Variants in RNF41 observed in about 807,000 individuals in gnomAD.
The protein encoded by RNF41 is E3 ubiquitin-protein ligase NRDP1.
RNF41 carries 4 observed loss-of-function variants against 33.0 expected under a neutral mutation model. The observed-to-expected ratio is 0.12, with a 90% confidence interval of 0.06 to 0.28. The LOEUF is 0.28. Among genes scored for constraint, RNF41 ranks in the 10% least tolerant of loss-of-function variants. The pLI is 1.00. For missense variants in RNF41, 228 were observed against 432.6 expected (o/e 0.53, Z 4.19); for synonymous variants, 164 against 153.2 (o/e 1.07, Z -0.52).
chr12:56,220,172 G>A (rs1487014009), intron 1 of RNF41, among the ~76,000 whole-genome samples: 1 of 151,978 alleles, frequency 6.6e-6, no homozygotes, highest in Admixed American at 6.6e-5. Context: ...TTGGGAAGCC[G>A]AGATGGACCA....
chr12:56,210,401 A>G lies in RNF41; in HGVS notation c.258T>C (p.Ala86=), dbSNP rs754458751. The G allele has an allele frequency of 6.2e-7, 1 of 1,614,206 alleles. No homozygotes were observed. Residue 86 remains alanine (A), a synonymous_variant, in exon 4 of 7, where the codon GCT becomes GCC. Coordinates refer to ENST00000345093, the MANE Select transcript of RNF41 (RefSeq NM_005785.4). Reference sequence around the variant, plus strand: ...GGACAACGGCACTACAGCCGAACACAGCGTTGTCACAGGCAATCTGCAGCT... The same window carrying G: ...GGACAACGGCACTACAGCCGAACACGGCGTTGTCACAGGCAATCTGCAGCT... ...LSKLQIACDN[A]VFGCSAVVRL...
In RNF41 at chr12:56,214,024, G is replaced by A. The variant is rs1327445339; in HGVS notation, c.24C>T (p.Phe8=). The A allele has an allele frequency of 6.2e-7, 1 of 1,613,834 alleles. No individual in the cohort carries two copies. Among genetic ancestry groups the A allele is most frequent in the Middle Eastern group, 1.7e-4 (1 of 6,060 alleles). ...TAAGATCTTCGTCAACATCCCCCTGGAAACGGGTTACATCATACCCCATGT... is the reference window on the plus strand; with the variant it reads ...TAAGATCTTCGTCAACATCCCCCTGAAAACGGGTTACATCATACCCCATGT... MGYDVTR[F]QGDVDEDLIC... The change falls in exon 3 of 7, where the codon TTC becomes TTT. Residue 8 remains phenylalanine (F), a synonymous_variant. Coordinates refer to ENST00000345093, the MANE Select transcript of RNF41 (RefSeq NM_005785.4).
chr12:56,207,013 ACTCTGT>A (rs1868278064), intron 6 of RNF41, among the ~76,000 whole-genome samples: 1 of 152,126 alleles, frequency 6.6e-6, no homozygotes, highest in South Asian at 2.1e-4. Flanking sequence ...ACAAGTCTGC[ACTCTGT>A]CTCTGTTACT....
chr12:56,217,065 A>G (rs1346279911), intron 1 of RNF41, among the ~76,000 whole-genome samples: 2 of 150,958 alleles, frequency 1.3e-5, no homozygotes, highest in South Asian at 2.1e-4. Context: ...GCGTGAACCT[A>G]GGAGCTGCAG....
chr12:56,220,186 A>G (rs1869258306), intron 1 of RNF41, among the ~76,000 whole-genome samples: 1 of 151,704 alleles, frequency 6.6e-6, no homozygotes, highest in Non-Finnish European at 1.5e-5. Context: ...TGGACCAATC[A>G]CCTGAGGTCA....
At chr12:56,209,994 C>A (rs1475903092) in intron 4 of RNF41, 1 of 375,642 alleles carries the variant, frequency 2.7e-6, no homozygotes, top group Non-Finnish European at 4.9e-6. Flanking sequence ...TTATAGCAGT[C>A]AACCTGACAA....
intron 1 of RNF41, among the ~76,000 whole-genome samples, chr12:56,217,721 T>C (rs1237932995): frequency 1.3e-5 from 2 of 152,118 alleles, no homozygotes; most frequent in East Asian, 1.9e-4. Context: ...CTGTGCTCCA[T>C]GTCCTGTCAG....
intron 1 of RNF41, among the ~76,000 whole-genome samples, chr12:56,219,278 G>A (rs535587200): frequency 6.7e-6 from 1 of 150,034 alleles, no homozygotes; most frequent in Non-Finnish European, 1.5e-5. Flanking sequence ...TACAAGTTCC[G>A]CCTCCCAGGT....
intron 1 of RNF41, among the ~76,000 whole-genome samples, 169 bp from the exon 2 acceptor site, chr12:56,216,782 C>T (rs144359260): frequency 1.1e-4 from 16 of 152,284 alleles, no homozygotes; most frequent in African/African-American, 3.8e-4. Context: ...GGAGGGAGCT[C>T]ACCAGCTAAG....
chr12:56,220,513 G>A (rs941944032), intron 1 of RNF41, among the ~76,000 whole-genome samples: 11 of 151,736 alleles, frequency 7.2e-5, no homozygotes, highest in African/African-American at 2.4e-4. Flanking sequence ...CACCGCGCCC[G>A]GCTACAGTCA....
Position 56,207,832 on chromosome 12 carries a change from C to A in RNF41, c.499-83G>T, listed in dbSNP as rs1263086713. 16 of 1,069,792 alleles carry A rather than the reference C, an allele frequency of 1.5e-5. No individual in the cohort carries two copies. The East Asian group carries it at 2.6e-4, about 17-fold the overall frequency. The allele number at this position is 1,069,792 out of a possible 1,614,324, so 66.3% of individuals were successfully genotyped here. A position where few individuals can be genotyped will look rare whatever the true frequency, so the allele number is the denominator to read the frequency against. ...AAAGTTTATCCAAGAATGAGGGCAACTGAGAGATCTGAAGAACAACCAGTT... is the reference window on the plus strand; with the variant it reads ...AAAGTTTATCCAAGAATGAGGGCAAATGAGAGATCTGAAGAACAACCAGTT... On this transcript the variant is annotated intron_variant, in intron 5 of 6. Transcript: ENST00000345093.
intron 1 of RNF41, among the ~76,000 whole-genome samples, chr12:56,219,027 G>A (rs2135817103): frequency 6.6e-6 from 1 of 150,750 alleles, no homozygotes; most frequent in Admixed American, 6.6e-5. Context: ...TTTTGAGATG[G>A]AGTCTTCCTC....
At chr12:56,214,531 A>G (rs1868719130) in intron 2 of RNF41, among the ~76,000 whole-genome samples, 1 of 145,284 alleles carries the variant, frequency 6.9e-6, no homozygotes, top group African/African-American at 2.6e-5. Flanking sequence ...AAAAAAAAAA[A>G]AAAAATTAAT....
At chr12:56,220,468 C>T (rs967237620) in intron 1 of RNF41, among the ~76,000 whole-genome samples, 1 of 151,910 alleles carries the variant, frequency 6.6e-6, no homozygotes, top group African/African-American at 2.4e-5. Context: ...CCGCCCGCCT[C>T]GTCCTCCCAA....
Position 56,203,080 on chromosome 12 carries a change from C to G in RNF41, c.*3367G>C, listed in dbSNP as rs1302782480. On this transcript the variant is annotated 3_prime_UTR_variant, in exon 7 of 7. Transcript: ENST00000345093. ...AAATGCCTTTTTTTTTTTTTTCAAG[C>G]CACTAGAGTATCAAGAGTACTATTA... The G allele has an allele frequency of 2.8e-5, 4 of 144,882 alleles. No individual in the cohort carries two copies. The highest frequency in any genetic ancestry group is 2.1e-4 in the Admixed American group (3 of 14,318). The allele number at this position is 144,882 out of a possible 1,614,324, so 9.0% of individuals were successfully genotyped here. A position where few individuals can be genotyped will look rare whatever the true frequency, so the allele number is the denominator to read the frequency against.
intron 2 of RNF41, among the ~76,000 whole-genome samples, chr12:56,214,763 A>C (rs1868744068): frequency 6.6e-6 from 1 of 152,158 alleles, no homozygotes; most frequent in South Asian, 2.1e-4. Flanking sequence ...CAGGAGGCAG[A>C]GGCTGCAGTG....
rs1868261187 is a variant in RNF41, at chr12:56,206,123, G to A, written c.*324C>T. 1 of 284,724 alleles carries A rather than the reference G, an allele frequency of 3.5e-6. No individual in the cohort carries two copies. Among genetic ancestry groups the A allele is most frequent in the Non-Finnish European group, 6.6e-6 (1 of 150,510 alleles). The allele number at this position is 284,724 out of a possible 1,614,324, so 17.6% of individuals were successfully genotyped here. A position where few individuals can be genotyped will look rare whatever the true frequency, so the allele number is the denominator to read the frequency against. ...TCCTTCCTCTGTCCTGATCCTCCAG[G>A]GAAATTGAATCTCTTTGTGCTTTCT... On this transcript the variant is annotated 3_prime_UTR_variant, in exon 7 of 7. Transcript: ENST00000345093. The surrounding 1 kb of genome is among the most constrained non-coding windows in gnomAD (Gnocchi z 5.7).
At chr12:56,208,573 A>T (rs1450882346) in intron 4 of RNF41, 1 of 215,282 alleles carries the variant, frequency 4.6e-6, no homozygotes, top group Admixed American at 5.5e-5. Context: ...TATTTTTATT[A>T]TTTTTTTTGA....
upstream of RNF41, chr12:56,221,963 G>A (rs1869499952): frequency 6.6e-6 from 1 of 152,396 alleles, no homozygotes; most frequent in Admixed American, 6.5e-5. Context: ...CAACCCGGCG[G>A]AAGCTCGTCA....
Sources: gnomAD v4.1 joint callset for allele counts (sites outside exome capture counted in the v4.1 genomes callset) on GRCh38, gnomAD v4.1.1 for gene constraint, Gnocchi (gnomAD v3.1) non-coding constraint, MANE v1.5 for transcripts, NCBI Gene and HGNC (gene_info 2026-07-23, HGNC 2026-07-21) for gene names.